The following TLN1 variants were observed in gnomAD, a reference collection of about 807,000 sequenced individuals.
The protein encoded by TLN1 is talin 1.
Under a neutral mutation model 292.3 loss-of-function variants are expected in TLN1, and 56 were observed. That is an observed-to-expected ratio of 0.19 (90% CI 0.15 to 0.24). TLN1 has a LOEUF of 0.24. Among genes scored for constraint, TLN1 ranks in the 10% least tolerant of loss-of-function variants. TLN1 has a pLI of 1.00. For synonymous variants in TLN1, 1,119 were observed against 1,253.7 expected (o/e 0.89, Z 2.27); for missense variants, 2,433 against 3,248.2 (o/e 0.75, Z 6.10).
intron 10 of TLN1, 43 bp downstream of exon 10, chr9:35,721,605 T>C (rs985813155): frequency 6.9e-6 from 11 of 1,593,676 alleles, no homozygotes; most frequent in African/African-American, 1.3e-5. Context: ...GCCCCTTTAA[T>C]GAAACTCCCA....
Position 35,720,930 on chromosome 9 carries a change from G to C in TLN1, c.1105-17C>G. 2 of 1,584,532 alleles carry C rather than the reference G, an allele frequency of 1.3e-6. No individual in the cohort carries two copies. The highest frequency in any genetic ancestry group is 1.7e-6 in the Non-Finnish European group (2 of 1,153,218). ...TCCAAAATCCTAGGGTGACAAGTGG[G>C]GGACTCAGAGGGAAAGCTCAAATCT... On this transcript the variant is annotated splice_polypyrimidine_tract_variant and intron_variant, in intron 10 of 56. Transcript: ENST00000314888.
rs750747261 is a variant in TLN1, at chr9:35,707,262, A to G, written c.4774-9T>C. On this transcript the variant is annotated splice_polypyrimidine_tract_variant and intron_variant, in intron 36 of 56. Coordinates refer to ENST00000314888, the MANE Select transcript of TLN1 (RefSeq NM_006289.4). The surrounding 1 kb of genome is among the most constrained non-coding windows in gnomAD (Gnocchi z 5.6). ...TCCATGGCAGCCCGACCCTGGGGAG[A>G]GGGGAGGCAGGAAGGTAAGTCTCAG... 5.6e-6 allele frequency: 9 copies of G among 1,602,382 alleles called. No homozygotes were observed. The Admixed American group carries it at 1.0e-4, about 18-fold the overall frequency.
intron 46 of TLN1, 28 bp from the exon 47 acceptor site, chr9:35,703,928 T>C (rs1294159477): frequency 6.2e-7 from 1 of 1,613,862 alleles, no homozygotes; most frequent in African/African-American, 1.3e-5. Context: ...GGCTCTGGTC[T>C]ATGGGAGGAA....
At chr9:35,727,606 T>C (rs943631136) in intron 1 of TLN1, among the ~76,000 whole-genome samples, 2 of 152,124 alleles carry the variant, frequency 1.3e-5, no homozygotes, top group Non-Finnish European at 2.9e-5. Context: ...CCCAACCTTA[T>C]TACTATCCGC....
chr9:35,720,058 C>G lies in TLN1; in HGVS notation c.1445G>C (p.Arg482Pro), dbSNP rs772630969. 2 of 1,594,142 alleles carry G rather than the reference C, an allele frequency of 1.3e-6. No homozygotes were observed. The highest frequency in any genetic ancestry group is 1.3e-5 in the African/African-American group (1 of 74,324). The change falls in exon 13 of 57, where the codon CGA becomes CCA. Residue 482 changes from arginine (R) to proline (P), a missense_variant. Physicochemically the swap from Arg to Pro is moderately radical, Grantham distance 103 (BLOSUM62 -2). Transcript: ENST00000314888. ...ACTTACCAGAGGAGGCATGTGTCCT[C>G]GGTGCATCTGGCCGCTGGTAATCTG... ...QQQITSGQMH[R>P]GHMPPLTSAQ...
In TLN1 at chr9:35,714,184, C is replaced by T; in HGVS notation, c.3120+55G>A. On this transcript the variant is annotated intron_variant, in intron 24 of 56. Coordinates refer to ENST00000314888, the MANE Select transcript of TLN1 (RefSeq NM_006289.4). This position sits in a 1 kb window ranked among gnomAD's most constrained non-coding sequence, Gnocchi z 4.6. ...GTATTGGGTTATTCTGCACAGATTT[C>T]CTCTCATCACAGGACTCCAGCCTCA... The T allele has an allele frequency of 6.3e-7, 1 of 1,595,792 alleles. No individual in the cohort carries two copies. The highest frequency in any genetic ancestry group is 8.6e-7 in the Non-Finnish European group (1 of 1,167,158).
Position 35,699,180 on chromosome 9 carries a change from A to G in TLN1, c.6875-24T>C. 6.3e-7 allele frequency: 1 copy of G among 1,598,250 alleles called. No individual in the cohort carries two copies. Among genetic ancestry groups the G allele is most frequent in the East Asian group, 2.2e-5 (1 of 44,502 alleles). On this transcript the variant is annotated intron_variant, in intron 51 of 56. Coordinates refer to ENST00000314888, the MANE Select transcript of TLN1 (RefSeq NM_006289.4). The surrounding 1 kb of genome is among the most constrained non-coding windows in gnomAD (Gnocchi z 4.0). Reference sequence around the variant, plus strand: ...TCCTGGTGGGATGAAGGAAGAGGAAAGAGGCTAAGGCAGAGTGGGGAGGTC... The same window carrying G: ...TCCTGGTGGGATGAAGGAAGAGGAAGGAGGCTAAGGCAGAGTGGGGAGGTC...
At position 35,697,809 on chromosome 9, in the gene TLN1, C is replaced by A. The variant is rs751547692; in HGVS notation, c.7608G>T (p.Glu2536Asp). 6.2e-7 allele frequency: 1 copy of A among 1,613,994 alleles called. No homozygotes were observed. Among genetic ancestry groups the A allele is most frequent in the African/African-American group, 1.3e-5 (1 of 74,908 alleles). ...GGCTTCTTTAGTGCTCATCTCGAAGCTCTGAAGGCAGAAACTTGTACTGCT... is the reference window on the plus strand; with the variant it reads ...GGCTTCTTTAGTGCTCATCTCGAAGATCTGAAGGCAGAAACTTGTACTGCT... ...RQQQYKFLPS[E>D]LRDEH The change falls in exon 57 of 57, where the codon GAG becomes GAT. Residue 2536 changes from glutamate to aspartate, a missense_variant. Around this residue, in one of 7 missense-constraint regions of TLN1, gnomAD observed 141 missense variants for 248.5 expected, o/e 0.57. Transcript: ENST00000314888.
At chr9:35,729,249 A>G (rs182858869) in intron 1 of TLN1, among the ~76,000 whole-genome samples, 240 of 152,356 alleles carry the variant, frequency 1.6e-3, no homozygotes, top group African/African-American at 5.5e-3. Flanking sequence ...GCAAAGCCCA[A>G]GCTTTCTCCA....
At position 35,722,912 on chromosome 9, in the gene TLN1, G is replaced by A. The variant is rs1426172844; in HGVS notation, c.792C>T (p.Asp264=). ...KHKAGFLDLK[D]FLPKEYVKQK... is the part of the protein sequence containing the mutation. ...GCTTCACATACTCCTTGGGCAGGAAGTCCTTCAGGCTACACCAGAAAAGGG... is the reference window on the plus strand; with the variant it reads ...GCTTCACATACTCCTTGGGCAGGAAATCCTTCAGGCTACACCAGAAAAGGG... Residue 264 remains aspartate (D), a synonymous_variant, in exon 8 of 57, where the codon GAC becomes GAT. Transcript: ENST00000314888. 1.2e-6 allele frequency: 2 copies of A among 1,613,950 alleles called. No homozygotes were observed. The highest frequency in any genetic ancestry group is 1.7e-6 in the Non-Finnish European group (2 of 1,179,908).
At chr9:35,701,314 T>C (rs961522495) in intron 48 of TLN1, among the ~76,000 whole-genome samples, 3 of 152,192 alleles carry the variant, frequency 2.0e-5, no homozygotes, top group Admixed American at 1.3e-4. Flanking sequence ...TCTTGCTCTG[T>C]CACCCAGGCT....
Position 35,713,027 on chromosome 9 carries a change from A to G in TLN1, c.3369T>C (p.Asp1123=), listed in dbSNP as rs1188777672. ...NENYAGIAAR[D]VAGGLRSLAQ... ...CCAGTGACCGCAGCCCACCTGCCACATCCCGAGCTGCAATACCTTGGGAGA... is the reference window on the plus strand; with the variant it reads ...CCAGTGACCGCAGCCCACCTGCCACGTCCCGAGCTGCAATACCTTGGGAGA... The change falls in exon 27 of 57, where the codon GAT becomes GAC. Residue 1123 remains aspartate (D), a synonymous_variant. Transcript: ENST00000314888. 6.2e-7 allele frequency: 1 copy of G among 1,608,956 alleles called. No homozygotes were observed.
chr9:35,724,132 C>T lies in TLN1; in HGVS notation c.655-53G>A. 6.2e-7 allele frequency: 1 copy of T among 1,613,546 alleles called. No individual in the cohort carries two copies. The highest frequency in any genetic ancestry group is 8.5e-7 in the Non-Finnish European group (1 of 1,179,516). On this transcript the variant is annotated intron_variant, in intron 6 of 56. Transcript: ENST00000314888. This position sits in a 1 kb window ranked among gnomAD's most constrained non-coding sequence, Gnocchi z 4.7. ...TGTTGTGTGTGGGTGCAAGGACACG[C>T]ACACTGTGCTTCCGAGCCCTCCCTA...
chr9:35,720,702 T>C (rs1825865988), intron 11 of TLN1, 110 bp downstream of exon 11: 1 of 1,155,086 alleles, frequency 8.7e-7, no homozygotes, highest in Non-Finnish European at 1.3e-6. Flanking sequence ...CTCGGCTCAT[T>C]GCAACCTCCG....
At position 35,704,866 on chromosome 9, in the gene TLN1, C is replaced by A. The variant is rs1386581448; in HGVS notation, c.5734-51G>T. 6.3e-7 allele frequency: 1 copy of A among 1,586,028 alleles called. No homozygotes were observed. Among genetic ancestry groups the A allele is most frequent in the Admixed American group, 1.7e-5 (1 of 57,610 alleles). On this transcript the variant is annotated intron_variant, in intron 43 of 56. Transcript: ENST00000314888. The surrounding 1 kb of genome is among the most constrained non-coding windows in gnomAD (Gnocchi z 6.9). ...GATTTTACAAGGGGCACTCAGGGTA[C>A]CTTCACTGTGCTTGGAAAAGTCACT... is the stretch of plus-strand genomic sequence containing the variant.
chr9:35,715,432 T>C (rs1825759921), intron 20 of TLN1, among the ~76,000 whole-genome samples: 1 of 152,186 alleles, frequency 6.6e-6, no homozygotes, highest in Non-Finnish European at 1.5e-5. Flanking sequence ...TGTTTTGTCT[T>C]CCCCTCCTTG....
In TLN1 at chr9:35,699,226, T is replaced by G; in HGVS notation, c.6875-70A>C. The G allele has an allele frequency of 1.3e-6, 2 of 1,570,562 alleles. No individual in the cohort carries two copies. On this transcript the variant is annotated intron_variant, in intron 51 of 56. Coordinates refer to ENST00000314888, the MANE Select transcript of TLN1 (RefSeq NM_006289.4). The surrounding 1 kb of genome is among the most constrained non-coding windows in gnomAD (Gnocchi z 4.0). The stretch of plus-strand genomic sequence containing the variant: ...AGGTCAAAAGCACCAGGGAGCATGG[T>G]TAGTATCATCAGGCCCTGGCATCTG...
At chr9:35,709,396 A>C (rs1825620588) in intron 33 of TLN1, among the ~76,000 whole-genome samples, 1 of 152,236 alleles carries the variant, frequency 6.6e-6, no homozygotes, top group Non-Finnish European at 1.5e-5. Flanking sequence ...GGTGGTGGAG[A>C]TGGAGGGCTA....
At chr9:35,701,077 A>G (rs907420315) in intron 48 of TLN1, among the ~76,000 whole-genome samples, 5 of 152,226 alleles carry the variant, frequency 3.3e-5, no homozygotes, top group Non-Finnish European at 7.3e-5. Flanking sequence ...AGGAGGTGAC[A>G]TTGAGGCTGA....
Sources: allele counts gnomAD v4.1 joint callset (sites outside exome capture counted in the v4.1 genomes callset), GRCh38; gene constraint gnomAD v4.1.1; regional missense constraint gnomAD v4.1.1; non-coding constraint Gnocchi (gnomAD v3.1); transcripts MANE v1.5; gene names NCBI Gene and HGNC (gene_info 2026-07-23, HGNC 2026-07-21).